NF1: variants seen among roughly 807,000 people sequenced by gnomAD.
NF1 encodes the protein neurofibromin.
Under a neutral mutation model 325.7 loss-of-function variants are expected in NF1, and 122 were observed. That is an observed-to-expected ratio of 0.37 (90% CI 0.32 to 0.44). The LOEUF (loss-of-function observed/expected upper bound fraction) is 0.44. NF1 is among the 20% of genes least tolerant of loss of function. The pLI is 1.00. For synonymous variants in NF1, 1,091 were observed against 1,186.0 expected (o/e 0.92, Z 1.65); for missense variants, 2,140 against 3,415.4 (o/e 0.63, Z 9.31).
chr17:31,180,839 A>G (rs1473508664), intron 5 of NF1, among the ~76,000 whole-genome samples: 1 of 152,240 alleles, frequency 6.6e-6, no homozygotes, highest in African/African-American at 2.4e-5. Context: ...TTGTATGTTT[A>G]GAAAACCCCA....
intron 2 of NF1, among the ~76,000 whole-genome samples, chr17:31,157,049 C>T (rs1461390787): frequency 1.1e-4 from 16 of 152,128 alleles, no homozygotes; most frequent in Admixed American, 1.0e-3. Flanking sequence ...TGCAGTGGCG[C>T]AATCTCGGCT....
At chr17:31,104,434 AGGG>A (rs1412062636) in intron 1 of NF1, among the ~76,000 whole-genome samples, 2 of 152,208 alleles carry the variant, frequency 1.3e-5, no homozygotes, top group Non-Finnish European at 2.9e-5. Context: ...TAGAAGTGGA[AGGG>A]GAGATTTGTG....
intron 31 of NF1, 156 bp downstream of exon 31, chr17:31,253,156 C>T: frequency 1.5e-6 from 1 of 645,596 alleles, no homozygotes; most frequent in Non-Finnish European, 2.8e-6. Flanking sequence ...TCAATTAACC[C>T]TGGAATTAAG....
At chr17:31,266,110 A>G (rs2067783506) in intron 36 of NF1, among the ~76,000 whole-genome samples, 1 of 152,230 alleles carries the variant, frequency 6.6e-6, no homozygotes, top group Non-Finnish European at 1.5e-5. Context: ...TTGGAATCTC[A>G]AGGACCATGT....
intron 5 of NF1, among the ~76,000 whole-genome samples, chr17:31,179,119 A>G (rs1253331346): frequency 6.6e-6 from 1 of 152,156 alleles, no homozygotes; most frequent in Non-Finnish European, 1.5e-5. Context: ...TTGGAATACA[A>G]CACTCCTCAG....
At chr17:31,242,623 T>C (rs780741691) in intron 29 of NF1, among the ~76,000 whole-genome samples, 22 of 152,206 alleles carry the variant, frequency 1.4e-4, no homozygotes, top group Non-Finnish European at 2.9e-4. Context: ...CTCCAGAATT[T>C]CTCTCTGGTT....
intron 1 of NF1, among the ~76,000 whole-genome samples, chr17:31,105,106 C>T (rs1338526855): frequency 1.3e-5 from 2 of 152,080 alleles, no homozygotes; most frequent in Non-Finnish European, 2.9e-5. Context: ...TGTTATGTTG[C>T]CCAGGCTGGT....
rs148914404 is a variant in NF1 at position 31,318,807 on chromosome 17, A to G, written c.4836-7013A>G. On this transcript the variant is annotated intron_variant, in intron 36 of 57. Coordinates refer to ENST00000358273, the MANE Select transcript of NF1 (RefSeq NM_001042492.3). Reference sequence around the variant, plus strand: ...GCATGTTTGTAGAATTACCTTTATAATCTACTTCAGGAGTTATAGGGTTTG... The same window carrying G: ...GCATGTTTGTAGAATTACCTTTATAGTCTACTTCAGGAGTTATAGGGTTTG... The G allele has an allele frequency of 3.1e-5, 50 of 1,613,986 alleles. No individual in the cohort carries two copies. The African/African-American group carries it at 5.9e-4, about 19-fold the overall frequency.
intron 36 of NF1, chr17:31,320,502 G>A (rs373357702): frequency 8.3e-5 from 113 of 1,367,464 alleles, no homozygotes; most frequent in Non-Finnish European, 1.1e-4. Context: ...GTCATTGGCT[G>A]ACATTTGTAT....
At chr17:31,175,870 G>A (rs2066013605) in intron 5 of NF1, among the ~76,000 whole-genome samples, 1 of 152,158 alleles carries the variant, frequency 6.6e-6, no homozygotes, top group African/African-American at 2.4e-5. Flanking sequence ...TTCTATGTCA[G>A]CATAGTATTC....
At chr17:31,235,833 A>G in intron 28 of NF1, 61 bp downstream of exon 28, 1 of 1,611,806 alleles carries the variant, frequency 6.2e-7, no homozygotes, top group Non-Finnish European at 8.5e-7. Context: ...ATGATTATGT[A>G]CAGAATGTGC....
intron 24 of NF1, 62 bp from the exon 25 acceptor site, chr17:31,232,011 G>A (rs2151433451): frequency 2.1e-6 from 2 of 960,908 alleles, no homozygotes; most frequent in Non-Finnish European, 3.1e-6. Context: ...TTGAGGGGAA[G>A]TGAAAGAACT....
rs1555535429 is a variant in NF1 at position 31,343,096 on chromosome 17, T to C, written c.7150T>C (p.Ser2384Pro). 6.2e-7 allele frequency: 1 copy of C among 1,614,026 alleles called. No homozygotes were observed. The highest frequency in any genetic ancestry group is 8.5e-7 in the Non-Finnish European group (1 of 1,179,906). ...MDHFVGLNFN[S>P]NFNFALVGHL... ...TCATTTTGTTGGACTCAATTTCAACTCTAACTTTAACTTTGCATTGGTTGG... is the reference window on the plus strand; with the variant it reads ...TCATTTTGTTGGACTCAATTTCAACCCTAACTTTAACTTTGCATTGGTTGG... The change falls in exon 48 of 58, where the codon TCT becomes CCT. Residue 2384 changes from serine (S) to proline (P), a missense_variant. Coordinates refer to ENST00000358273, the MANE Select transcript of NF1 (RefSeq NM_001042492.3).
intron 57 of NF1, among the ~76,000 whole-genome samples, chr17:31,368,303 A>AT (rs998310862): frequency 1.3e-5 from 2 of 151,552 alleles, no homozygotes; most frequent in Non-Finnish European, 2.9e-5. Context: ...AGCCTGGCTA[A>AT]TTTTTTTTGT....
At chr17:31,165,899 C>T (rs911791092) in intron 4 of NF1, among the ~76,000 whole-genome samples, 4 of 151,988 alleles carry the variant, frequency 2.6e-5, no homozygotes, top group Non-Finnish European at 5.9e-5. Context: ...GCCATGTTGC[C>T]CAGGCTTGTC....
chr17:31,095,368 AG>A lies in NF1; in HGVS notation c.60+1del. On this transcript the variant is annotated frameshift_variant and splice_region_variant, in exon 1 of 58. Coordinates refer to ENST00000358273, the MANE Select transcript of NF1 (RefSeq NM_001042492.3). LOFTEE classifies it high-confidence loss of function. ...VQAVVSRFDE[Q>X]LPIKTGQQNT... is the part of the protein sequence containing the mutation. The stretch of plus-strand genomic sequence containing the variant: ...GCCGTGGTCAGCCGCTTCGACGAGC[AG>A]GTAACCGGCCCGTGGCGGGCGGGAG... 6.5e-7 allele frequency: 1 copy of A among 1,539,882 alleles called. No individual in the cohort carries two copies. The highest frequency in any genetic ancestry group is 8.7e-7 in the Non-Finnish European group (1 of 1,146,420).
chr17:31,334,769 C>A (rs766837088), intron 39 of NF1, 69 bp from the exon 40 acceptor site: 9 of 1,294,060 alleles, frequency 7.0e-6, no homozygotes, highest in Non-Finnish European at 1.0e-5. Context: ...TCCCCGAATT[C>A]TTTATGTTAA....
Position 31,228,667 on chromosome 17 carries a change from A to G in NF1, c.2410-358A>G, listed in dbSNP as rs1181137445. ...CGTCTCTAGCCCTAGGCAACCATGA[A>G]TCTACTTTCTGTCTTTGTAGATTTG... On this transcript the variant is annotated intron_variant, in intron 20 of 57. Coordinates refer to ENST00000358273, the MANE Select transcript of NF1 (RefSeq NM_001042492.3). 2.0e-5 allele frequency among the ~76,000 whole-genome samples: 3 copies of G among 151,982 alleles called. No homozygotes were observed. In the East Asian group the frequency reaches 5.8e-4, roughly 29 times the overall value.
intron 29 of NF1, among the ~76,000 whole-genome samples, chr17:31,236,750 CCA>C (rs1262814151): frequency 9.9e-5 from 15 of 151,998 alleles, no homozygotes; most frequent in Admixed American, 9.8e-4. Flanking sequence ...CATGCCCAGC[CCA>C]GAGTGCAGTT....
Sources: gnomAD v4.1 joint callset for allele counts (sites outside exome capture counted in the v4.1 genomes callset) on GRCh38, gnomAD v4.1.1 for gene constraint, MANE v1.5 for transcripts, NCBI Gene and HGNC (gene_info 2026-07-23, HGNC 2026-07-21) for gene names.